The following CTNNA2 variants were observed in gnomAD, a reference collection of about 807,000 sequenced individuals.
CTNNA2 encodes catenin alpha-2.
CTNNA2 carries 42 observed loss-of-function variants against 101.0 expected under a neutral mutation model. The ratio of observed to expected loss-of-function variants is 0.42; its 90% CI spans 0.32 to 0.54. The LOEUF is 0.54. Ranked by LOEUF, CTNNA2 falls within the 20% of genes least tolerant of loss-of-function variation. The pLI is 0.14. For synonymous variants in CTNNA2, 450 were observed against 456.4 expected, an observed-to-expected ratio of 0.99 and a Z score of 0.18; for missense variants, 871 against 1,223.1, an observed-to-expected ratio of 0.71 and a Z score of 4.29.
intron 18 of CTNNA2, among the ~76,000 whole-genome samples, chr2:80,646,565 G>T (rs1674115363): frequency 6.6e-6 from 1 of 151,834 alleles, no homozygotes; most frequent in African/African-American, 2.4e-5. Context: ...ACTTCCATTG[G>T]TTGGGCTATA....
chr2:80,276,751 A>T (rs1673942149), intron 7 of CTNNA2, among the ~76,000 whole-genome samples: 1 of 152,048 alleles, frequency 6.6e-6, no homozygotes, highest in Non-Finnish European at 1.5e-5. Flanking sequence ...TAAGAATGAG[A>T]ACTCACTCAA....
intron 4 of CTNNA2, among the ~76,000 whole-genome samples, chr2:79,393,278 T>A (rs150020861): frequency 1.2e-4 from 19 of 152,262 alleles, no homozygotes; most frequent in African/African-American, 4.6e-4. Flanking sequence ...TACATGTTGG[T>A]CCTCTATGAC....
At chr2:79,328,883 C>A (rs1177657424) in intron 3 of CTNNA2, among the ~76,000 whole-genome samples, 1 of 152,144 alleles carries the variant, frequency 6.6e-6, no homozygotes, top group African/African-American at 2.4e-5. Context: ...ATGTTTCTGA[C>A]CCTTGCCTTT....
intron 7 of CTNNA2, among the ~76,000 whole-genome samples, chr2:80,351,794 G>T (rs959854039): frequency 6.6e-6 from 1 of 152,006 alleles, no homozygotes; most frequent in African/African-American, 2.4e-5. Flanking sequence ...ACCAGTTTGG[G>T]CTAATTTTAT....
At chr2:79,487,497 T>C (rs893517695) in intron 4 of CTNNA2, among the ~76,000 whole-genome samples, 3 of 152,214 alleles carry the variant, frequency 2.0e-5, no homozygotes, top group African/African-American at 7.2e-5. Context: ...CTGGGGAATC[T>C]TGCAGTGCTC....
chr2:79,901,655 G>A (rs1437644503), intron 6 of CTNNA2, among the ~76,000 whole-genome samples: 5 of 152,164 alleles, frequency 3.3e-5, no homozygotes, highest in Non-Finnish European at 5.9e-5. Flanking sequence ...TTTAACCAAT[G>A]TTGAAAGCCA....
intron 7 of CTNNA2, among the ~76,000 whole-genome samples, chr2:79,971,773 T>C (rs1346322653): frequency 6.6e-6 from 1 of 152,168 alleles, no homozygotes; most frequent in Non-Finnish European, 1.5e-5. Flanking sequence ...CACCATTTTC[T>C]TTTTTTGCTC....
chr2:79,790,809 T>C (rs1675215309), intron 3 of CTNNA2, among the ~76,000 whole-genome samples: 1 of 152,212 alleles, frequency 6.6e-6, no homozygotes, highest in Admixed American at 6.5e-5. Context: ...TGATCGTTAC[T>C]TAGACTTATG....
chr2:79,296,805 A>G (rs1558612290), intron 2 of CTNNA2, among the ~76,000 whole-genome samples: 1 of 152,210 alleles, frequency 6.6e-6, no homozygotes, highest in Middle Eastern at 3.4e-3. Flanking sequence ...GGAAGCTTGC[A>G]TGGGTTTTAA....
chr2:79,236,773 A>G (rs554352842), intron 2 of CTNNA2, among the ~76,000 whole-genome samples: 1 of 152,242 alleles, frequency 6.6e-6, no homozygotes, highest in Non-Finnish European at 1.5e-5. Context: ...TTGCTTATCC[A>G]TAAGAAGAAA....
intron 7 of CTNNA2, among the ~76,000 whole-genome samples, chr2:80,265,136 A>G: frequency 6.6e-6 from 1 of 151,766 alleles, no homozygotes; most frequent in East Asian, 1.9e-4. Flanking sequence ...CACCACACCC[A>G]GCTAATTTTT....
At chr2:79,918,653 C>T (rs1018692631) in intron 7 of CTNNA2, among the ~76,000 whole-genome samples, 1 of 152,136 alleles carries the variant, frequency 6.6e-6, no homozygotes, top group African/African-American at 2.4e-5. Flanking sequence ...TCCAGCATGA[C>T]CTAAAGTTTA....
chr2:80,554,942 T>C (rs1692893164), intron 11 of CTNNA2, among the ~76,000 whole-genome samples: 1 of 152,198 alleles, frequency 6.6e-6, no homozygotes, highest in South Asian at 2.1e-4. Flanking sequence ...GTGTTTTCTC[T>C]ATGCCATTAG....
At chr2:79,782,792 T>C (rs1018693970) in intron 3 of CTNNA2, among the ~76,000 whole-genome samples, 5 of 152,068 alleles carry the variant, frequency 3.3e-5, no homozygotes, top group African/African-American at 4.8e-5. Flanking sequence ...ACCGGTCAGT[T>C]TGGGGCCTCG....
In CTNNA2 at chr2:79,203,432, G is replaced by A. The variant is rs569497833; in HGVS notation, c.-406+5356G>A. Among the ~76,000 whole-genome samples the A allele has an allele frequency of 3.3e-5, 5 of 152,106 alleles. No homozygotes were observed. In the East Asian group the frequency reaches 5.8e-4, roughly 18 times the overall value. On this transcript the variant is annotated intron_variant, in intron 2 of 21. Coordinates refer to the CTNNA2 transcript ENST00000466387. Reference sequence around the variant, plus strand: ...CACAAACATATAGAGTCAAGAAATCGAATTACAAATGGAGGGAAAAAGACT... The same window carrying A: ...CACAAACATATAGAGTCAAGAAATCAAATTACAAATGGAGGGAAAAAGACT...
chr2:80,419,874 G>A lies in CTNNA2; in HGVS notation c.1290+273G>A, dbSNP rs13427313. ...ACAAGCAGGAGCTGAAACAAAAGAAGTGGAAGGGAACTCTGGAGTGCTGAA... is the reference window on the plus strand; with the variant it reads ...ACAAGCAGGAGCTGAAACAAAAGAAATGGAAGGGAACTCTGGAGTGCTGAA... On this transcript the variant is annotated intron_variant, in intron 9 of 18. Transcript: ENST00000402739. Among the ~76,000 whole-genome samples the A allele has an allele frequency of 5.7e-3, 868 of 151,876 alleles. 4 individuals are homozygous for A. The highest frequency in any genetic ancestry group is 0.02 in the African/African-American group (816 of 41,426).
chr2:79,535,472 A>G (rs13425485), intron 1 of CTNNA2, among the ~76,000 whole-genome samples: 102,947 of 151,876 alleles, frequency 0.68, 34,945 homozygotes, highest in Non-Finnish European at 0.69. Context: ...CCAAAGTGCT[A>G]GGATTACAGG....
At chr2:80,287,451 TC>T (rs1156327834) in intron 7 of CTNNA2, among the ~76,000 whole-genome samples, 2 of 152,160 alleles carry the variant, frequency 1.3e-5, no homozygotes, top group African/African-American at 4.8e-5. Flanking sequence ...TAAAGGAGAT[TC>T]ACTGTGTATA....
chr2:79,692,162 TAAAC>T (rs1019401667), intron 2 of CTNNA2, among the ~76,000 whole-genome samples: 15 of 152,098 alleles, frequency 9.9e-5, no homozygotes, highest in African/African-American at 3.4e-4. Flanking sequence ...ACAAAGAACT[TAAAC>T]AAACGTACAA....
Sources: gnomAD v4.1 joint callset for allele counts (sites outside exome capture counted in the v4.1 genomes callset) on GRCh38, gnomAD v4.1.1 for gene constraint, MANE v1.5 for transcripts, NCBI Gene and HGNC (gene_info 2026-07-23, HGNC 2026-07-21) for gene names.